Variants in ZNF704 observed in about 807,000 individuals in gnomAD.
The protein encoded by ZNF704 is zinc finger protein 704, also known as glucocorticoid induced gene 1.
In ZNF704, 10 loss-of-function variants were observed where a neutral mutation model predicts 44.7. The observed-to-expected ratio is 0.22, with a 90% CI of 0.14 to 0.38. The LOEUF (loss-of-function observed/expected upper bound fraction) is 0.38. Ranked by LOEUF, ZNF704 falls within the 10% of genes least tolerant of loss-of-function variation. The pLI is 1.00. For synonymous variants in ZNF704, 211 were observed against 207.6 expected (o/e 1.02, Z -0.14); for missense variants, 390 against 545.5 (o/e 0.71, Z 2.84).
intron 7 of ZNF704, among the ~76,000 whole-genome samples, chr8:80,646,154 T>C (rs1467034053): frequency 1.3e-5 from 2 of 152,216 alleles, no homozygotes; most frequent in Non-Finnish European, 2.9e-5. Flanking sequence ...GGTATTCTGT[T>C]ATAGCAGCAC....
At chr8:80,742,317 C>T (rs527809962) in intron 2 of ZNF704, among the ~76,000 whole-genome samples, 2 of 152,278 alleles carry the variant, frequency 1.3e-5, no homozygotes, top group Middle Eastern at 3.4e-3. Flanking sequence ...GGGAACCTCA[C>T]GAGGACATAG....
intron 2 of ZNF704, among the ~76,000 whole-genome samples, chr8:80,710,817 T>C (rs140604058): frequency 2.0e-5 from 3 of 152,358 alleles, no homozygotes; most frequent in African/African-American, 7.2e-5. Flanking sequence ...TATTTTGTTA[T>C]AGTAGCCTGA....
At chr8:80,819,471 T>G (rs1467012194) in intron 2 of ZNF704, among the ~76,000 whole-genome samples, 3 of 152,054 alleles carry the variant, frequency 2.0e-5, no homozygotes, top group African/African-American at 7.2e-5. Context: ...ATGGAAATTT[T>G]ATGTAGAATA....
chr8:80,662,249 T>C (rs1818114271), intron 6 of ZNF704, among the ~76,000 whole-genome samples: 1 of 152,178 alleles, frequency 6.6e-6, no homozygotes, highest in Admixed American at 6.5e-5. Context: ...ATACAAAAAA[T>C]ATTAACTAAG....
intron 2 of ZNF704, among the ~76,000 whole-genome samples, chr8:80,791,914 T>C (rs1334027779): frequency 6.6e-6 from 1 of 152,216 alleles, no homozygotes; most frequent in African/African-American, 2.4e-5. Flanking sequence ...AAGATTAGGC[T>C]GGACTTGAGT....
At chr8:80,732,853 G>A (rs1369669496) in intron 2 of ZNF704, among the ~76,000 whole-genome samples, 12 of 151,544 alleles carry the variant, frequency 7.9e-5, no homozygotes, top group Non-Finnish European at 1.5e-5. Flanking sequence ...CTACTCGAGA[G>A]GCTGAGGCAG....
At chr8:80,860,928 T>C (rs1487927709) in intron 1 of ZNF704, among the ~76,000 whole-genome samples, 1 of 152,178 alleles carries the variant, frequency 6.6e-6, no homozygotes, top group Non-Finnish European at 1.5e-5. Context: ...TCTCAAATCC[T>C]AGAGTAGACA....
At chr8:80,759,825 G>C (rs146800326) in intron 2 of ZNF704, among the ~76,000 whole-genome samples, 12 of 151,880 alleles carry the variant, frequency 7.9e-5, no homozygotes, top group African/African-American at 2.7e-4. Context: ...GTCTGATCAT[G>C]GCTTACTGCA....
intron 2 of ZNF704, among the ~76,000 whole-genome samples, chr8:80,731,747 G>C (rs897223718): frequency 1.3e-5 from 2 of 152,090 alleles, no homozygotes; most frequent in African/African-American, 4.8e-5. Flanking sequence ...GAGTGACAGA[G>C]TGAGACTCCA....
chr8:80,651,882 C>T (rs534527813), intron 7 of ZNF704, among the ~76,000 whole-genome samples: 1 of 152,196 alleles, frequency 6.6e-6, no homozygotes, highest in Admixed American at 6.5e-5. Flanking sequence ...CAGCACCACA[C>T]CACACCTATT....
At chr8:80,864,941 A>C (rs1809129847) in intron 1 of ZNF704, among the ~76,000 whole-genome samples, 1 of 152,196 alleles carries the variant, frequency 6.6e-6, no homozygotes, top group South Asian at 2.1e-4. Flanking sequence ...GATGAACATA[A>C]GAGATAGGAT....
At chr8:80,667,059 G>A (rs1321805474) in intron 5 of ZNF704, among the ~76,000 whole-genome samples, 2 of 152,158 alleles carry the variant, frequency 1.3e-5, no homozygotes, top group African/African-American at 2.4e-5. Flanking sequence ...GACCTGCCTG[G>A]AGGAAGTGAG....
the ZNF704 span, among the ~76,000 whole-genome samples, chr8:80,884,150 G>T: frequency 0.013 from 1,990 of 152,212 alleles, 42 homozygotes; most frequent in African/African-American, 0.045. Flanking sequence ...AAAATTCCTC[G>T]GTACTTACCA....
At chr8:80,881,123 A>G in the ZNF704 span, among the ~76,000 whole-genome samples, 4 of 152,200 alleles carry the variant, frequency 2.6e-5, no homozygotes, top group African/African-American at 9.6e-5. Context: ...CAGTGTGTGC[A>G]ATGCAGTTGC....
chr8:80,750,501 T>C (rs1289153816), intron 2 of ZNF704, among the ~76,000 whole-genome samples: 1 of 150,976 alleles, frequency 6.6e-6, no homozygotes, highest in Non-Finnish European at 1.5e-5. Flanking sequence ...AAATCCAGCA[T>C]GTACTTTAAA....
At chr8:80,851,249 CTGCTATAAAGACACA>C (rs1455983153) in intron 1 of ZNF704, among the ~76,000 whole-genome samples, 2 of 152,168 alleles carry the variant, frequency 1.3e-5, no homozygotes, top group Non-Finnish European at 2.9e-5. Flanking sequence ...ATAAATCATG[CTGCTATAAAGACACA>C]TGCAAATGTA....
At chr8:80,741,740 G>A (rs528236792) in intron 2 of ZNF704, among the ~76,000 whole-genome samples, 32 of 152,256 alleles carry the variant, frequency 2.1e-4, no homozygotes, top group Middle Eastern at 3.4e-3. Flanking sequence ...AACCTACGCC[G>A]CTCGAGGGGA....
rs979986774 is a variant in ZNF704 at position 80,629,985 on chromosome 8, A to G, written c.*11381T>C. ...CCCATTTATTCATCTTAATGATGGAATTTTTTAGAGCCTGATGTTTCAGAA... is the reference window on the plus strand; with the variant it reads ...CCCATTTATTCATCTTAATGATGGAGTTTTTTAGAGCCTGATGTTTCAGAA... On this transcript the variant is annotated 3_prime_UTR_variant, in exon 9 of 9. Coordinates refer to ENST00000327835, the MANE Select transcript of ZNF704 (RefSeq NM_001033723.3). 6.6e-6 allele frequency: 1 copy of G among 152,218 alleles called. No individual in the cohort carries two copies. Among genetic ancestry groups the G allele is most frequent in the African/African-American group, 2.4e-5 (1 of 41,472 alleles). 9.4% of individuals were successfully genotyped at this position (152,218 alleles called of 1,614,324 possible).
At chr8:80,715,597 G>A (rs1819060499) in intron 2 of ZNF704, among the ~76,000 whole-genome samples, 1 of 152,190 alleles carries the variant, frequency 6.6e-6, no homozygotes, top group Non-Finnish European at 1.5e-5. Context: ...AGTCTTGCTT[G>A]TAAGATTGGT....
Sources: allele counts gnomAD v4.1 joint callset (sites outside exome capture counted in the v4.1 genomes callset), GRCh38; gene constraint gnomAD v4.1.1; transcripts MANE v1.5; gene names NCBI Gene and HGNC (gene_info 2026-07-23, HGNC 2026-07-21).